Variants in TLN2 observed in about 807,000 individuals in gnomAD.
TLN2 encodes talin-2.
A neutral mutation model predicts 294.7 loss-of-function variants in TLN2; 118 were observed. The ratio of observed to expected loss-of-function variants is 0.40; its 90% confidence interval spans 0.34 to 0.47. The LOEUF is 0.47. Ranked by LOEUF, TLN2 falls within the 20% of genes least tolerant of loss-of-function variation. The pLI, the probability that TLN2 is intolerant of heterozygous loss-of-function variation, is 0.84. For synonymous variants in TLN2, 1,431 were observed against 1,304.5 expected, an observed-to-expected ratio of 1.10 and a Z score of -2.09; for missense variants, 3,083 against 3,282.2, an observed-to-expected ratio of 0.94 and a Z score of 1.48.
chr15:62,545,470 GCAT>G (rs1326531280), intron 1 of TLN2, among the ~76,000 whole-genome samples: 2 of 151,554 alleles, frequency 1.3e-5, no homozygotes, highest in Non-Finnish European at 2.9e-5. Flanking sequence ...TTTTAACCTT[GCAT>G]TTGCATAGTG....
chr15:62,818,912 G>C (rs1329285692), intron 52 of TLN2, among the ~76,000 whole-genome samples: 1 of 151,672 alleles, frequency 6.6e-6, no homozygotes, highest in African/African-American at 2.4e-5. Flanking sequence ...CTGGAGTGCA[G>C]TGATGCAACC....
intron 52 of TLN2, among the ~76,000 whole-genome samples, chr15:62,810,417 A>T (rs1412014560): frequency 6.6e-6 from 1 of 152,202 alleles, no homozygotes. Flanking sequence ...AAGGCTTCTG[A>T]CAGAGCCATG....
At chr15:62,768,578 G>A (rs2063163037) in intron 41 of TLN2, among the ~76,000 whole-genome samples, 1 of 152,144 alleles carries the variant, frequency 6.6e-6, no homozygotes, top group South Asian at 2.1e-4. Flanking sequence ...CTTTTGAGGG[G>A]CCACCATTCA....
At chr15:62,559,285 C>T (rs1230196945) in intron 1 of TLN2, among the ~76,000 whole-genome samples, 1 of 152,090 alleles carries the variant, frequency 6.6e-6, no homozygotes, top group African/African-American at 2.4e-5. Context: ...AAGAAAACCT[C>T]TCCCAGTTCT....
chr15:62,758,393 G>A (rs1567541509), intron 37 of TLN2, among the ~76,000 whole-genome samples: 1 of 152,220 alleles, frequency 6.6e-6, no homozygotes, highest in South Asian at 2.1e-4. Context: ...CACCACATAC[G>A]CTGTTGCCTG....
At chr15:62,460,801 A>T (rs1326197662) in intron 1 of TLN2, among the ~76,000 whole-genome samples, 1 of 152,202 alleles carries the variant, frequency 6.6e-6, no homozygotes, top group East Asian at 1.9e-4. Context: ...AATTTTCACA[A>T]ACTGAACTCA....
intron 1 of TLN2, among the ~76,000 whole-genome samples, chr15:62,503,015 C>G (rs1378541715): frequency 1.3e-5 from 2 of 152,132 alleles, no homozygotes; most frequent in African/African-American, 4.8e-5. Context: ...TATTAGCCAC[C>G]CCCTCTTCCA....
At chr15:62,423,390 A>AACAAC (rs2034525634) in intron 1 of TLN2, among the ~76,000 whole-genome samples, 1 of 151,874 alleles carries the variant, frequency 6.6e-6, no homozygotes, top group Non-Finnish European at 1.5e-5. Flanking sequence ...AACAAAACAA[A>AACAAC]ACAACAACAA....
intron 1 of TLN2, among the ~76,000 whole-genome samples, chr15:62,588,399 A>G (rs932692991): frequency 4.0e-5 from 6 of 151,558 alleles, no homozygotes; most frequent in Admixed American, 3.3e-4. Context: ...ACTTTGGGAG[A>G]ACCAGGTGGA....
rs146832843 is a variant in TLN2 at position 62,702,108 on chromosome 15, G to T, written c.1813G>T (p.Val605Leu). ...ATTGGCCGCCCTCATGGATGATGAG[G>T]TGGGCAGCGGGGAGGACTTGCTCAG... ...KLLAALMDDE[V>L]GSGEDLLRAA... Residue 605 changes from valine (V) to leucine (L), a missense_variant, in exon 18 of 59, where the codon GTG becomes TTG. Transcript: ENST00000636159. The T allele has an allele frequency of 2.4e-5, 39 of 1,614,190 alleles. No individual in the cohort carries two copies. In the African/African-American group the frequency reaches 4.7e-4, roughly 19 times the overall value.
chr15:62,586,362 G>A (rs1402175018), intron 1 of TLN2, among the ~76,000 whole-genome samples: 2 of 152,190 alleles, frequency 1.3e-5, no homozygotes, highest in Admixed American at 6.5e-5. Flanking sequence ...ATTTTGTAGG[G>A]AAGAAGGAGC....
chr15:62,765,514 T>C (rs1002086500), intron 40 of TLN2, among the ~76,000 whole-genome samples: 21 of 152,196 alleles, frequency 1.4e-4, no homozygotes, highest in Admixed American at 1.3e-4. Context: ...CATGCTGGTG[T>C]GTGCAGACGT....
chr15:62,725,093 C>A lies in TLN2; in HGVS notation c.3244C>A (p.Pro1082Thr), dbSNP rs1393529048. ...AAVESQLKPL[P>T]GETLEKCAQD... is the part of the protein sequence containing the mutation. ...CGTGGAGAGCCAGCTGAAGCCACTT[C>A]CAGGGGAAACGGTGAGCTGTTAGAG... The change falls in exon 27 of 59, where the codon CCA becomes ACA. Residue 1082 changes from proline to threonine, a missense_variant. Coordinates refer to ENST00000636159, the MANE Select transcript of TLN2 (RefSeq NM_015059.3). 1 of 1,611,710 alleles carries A rather than the reference C, an allele frequency of 6.2e-7. No individual in the cohort carries two copies. The highest frequency in any genetic ancestry group is 8.5e-7 in the Non-Finnish European group (1 of 1,179,012).
chr15:62,647,263 T>C lies in TLN2; in HGVS notation c.-36-12T>C, dbSNP rs199834807. 562 of 1,583,516 alleles carry C rather than the reference T, an allele frequency of 3.5e-4. 4 individuals carry two copies. The South Asian group carries it at 3.9e-3, about 11-fold the overall frequency. ...TCGTGAACATCAGGGTTTGTCTCTT[T>C]GTGTTTTCCAGACATTCTAAGTGAG... On this transcript the variant is annotated splice_polypyrimidine_tract_variant and intron_variant, in intron 3 of 58. Coordinates refer to ENST00000636159, the MANE Select transcript of TLN2 (RefSeq NM_015059.3).
At chr15:62,745,496 C>T (rs1162262821) in intron 32 of TLN2, among the ~76,000 whole-genome samples, 1 of 152,004 alleles carries the variant, frequency 6.6e-6, no homozygotes, top group Non-Finnish European at 1.5e-5. Flanking sequence ...TATAAAGTCC[C>T]TTCACCTTTT....
rs983906157 is a variant in TLN2, at chr15:62,838,838, G to A, written c.7375-18G>A. ...GGCTGTTTCTAATGATATAATGTAT[G>A]TTTTGTTCACTCTCCAGGCGGCAGG... On this transcript the variant is annotated intron_variant, in intron 57 of 58. Transcript: ENST00000636159. 3 of 1,613,330 alleles carry A rather than the reference G, an allele frequency of 1.9e-6. No homozygotes were observed. The highest frequency in any genetic ancestry group is 2.7e-5 in the African/African-American group (2 of 74,902).
At chr15:62,562,265 T>G (rs896849961) in intron 1 of TLN2, among the ~76,000 whole-genome samples, 3 of 152,240 alleles carry the variant, frequency 2.0e-5, no homozygotes, top group Non-Finnish European at 4.4e-5. Context: ...CCATGTATCT[T>G]GCTGCCTTGT....
At chr15:62,468,897 A>T (rs967857641) in intron 1 of TLN2, among the ~76,000 whole-genome samples, 1 of 152,232 alleles carries the variant, frequency 6.6e-6, no homozygotes, top group African/African-American at 2.4e-5. Context: ...CTTGAGAGAG[A>T]TAAGGCCAGG....
Position 62,655,933 on chromosome 15 carries a change from T to C in TLN2, c.518-11T>C, listed in dbSNP as rs36091633. ...AAACACAGTTCTCTTATATGTCTTG[T>C]TGTGTTGCAGTAAATTGGCTGGATC... On this transcript the variant is annotated splice_polypyrimidine_tract_variant and intron_variant, in intron 7 of 58. Transcript: ENST00000636159. 11 of 1,614,224 alleles carry C rather than the reference T, an allele frequency of 6.8e-6. No individual in the cohort carries two copies. The Admixed American group carries it at 8.3e-5, about 12-fold the overall frequency.
Sources: allele counts gnomAD v4.1 joint callset (sites outside exome capture counted in the v4.1 genomes callset), GRCh38; gene constraint gnomAD v4.1.1; transcripts MANE v1.5; gene names NCBI Gene and HGNC (gene_info 2026-07-23, HGNC 2026-07-21).